The following CSMD3 variants were observed in gnomAD, a reference collection of about 807,000 sequenced individuals.
CSMD3 encodes the protein CUB and Sushi multiple domains 3.
In CSMD3, 177 loss-of-function variants were observed where a neutral mutation model predicts 435.2. That is an observed-to-expected ratio of 0.41 (90% CI 0.36 to 0.46). The LOEUF (loss-of-function observed/expected upper bound fraction) is 0.46, where lower values mean the gene tolerates loss of function less well. CSMD3 is among the 20% of genes least tolerant of loss of function. CSMD3 has a pLI of 0.34. For synonymous variants in CSMD3, 1,656 were observed against 1,520.5 expected, an observed-to-expected ratio of 1.09 and a Z score of -2.07; for missense variants, 4,265 against 4,504.6, an observed-to-expected ratio of 0.95 and a Z score of 1.52.
intron 39 of CSMD3, among the ~76,000 whole-genome samples, chr8:112,351,660 AAAGTAT>A (rs1267315826): frequency 6.6e-6 from 1 of 151,992 alleles, no homozygotes; most frequent in Non-Finnish European, 1.5e-5. Context: ...AAAACAAGTC[AAAGTAT>A]ATTAACTTTT....
intron 10 of CSMD3, among the ~76,000 whole-genome samples, chr8:112,911,552 C>T (rs1421310360): frequency 3.3e-5 from 5 of 151,426 alleles, no homozygotes; most frequent in African/African-American, 9.7e-5. Flanking sequence ...GACTCTCCTC[C>T]GGGTTCATCT....
intron 70 of CSMD3, among the ~76,000 whole-genome samples, chr8:112,227,237 G>C (rs949550825): frequency 7.9e-5 from 12 of 152,188 alleles, no homozygotes; most frequent in Non-Finnish European, 1.8e-4. Flanking sequence ...AGCCATATAA[G>C]AGAATGAAGT....
Position 113,143,488 on chromosome 8 carries a change from C to T in CSMD3, c.709+30234G>A, listed in dbSNP as rs140129056. Among the ~76,000 whole-genome samples the T allele has an allele frequency of 4.6e-5, 7 of 151,370 alleles. No homozygotes were observed. The South Asian group carries it at 6.2e-4, about 13-fold the overall frequency. Reference sequence around the variant, plus strand: ...CTTCTGGGCATTTATACCAGGGACACGAAAATTTATGTTCACACAAAACCT... The same window carrying T: ...CTTCTGGGCATTTATACCAGGGACATGAAAATTTATGTTCACACAAAACCT... On this transcript the variant is annotated intron_variant, in intron 4 of 70. Coordinates refer to ENST00000297405, the MANE Select transcript of CSMD3 (RefSeq NM_198123.2).
At chr8:112,586,850 T>C (rs1032068989) in intron 23 of CSMD3, among the ~76,000 whole-genome samples, 2 of 99,122 alleles carry the variant, frequency 2.0e-5, no homozygotes, top group Non-Finnish European at 4.1e-5. Context: ...AATTTACCTT[T>C]TATTATAAAA....
chr8:113,237,807 T>C (rs995325606), intron 3 of CSMD3, among the ~76,000 whole-genome samples: 1 of 152,154 alleles, frequency 6.6e-6, no homozygotes, highest in African/African-American at 2.4e-5. Flanking sequence ...CCGGGAGCGA[T>C]AGCTCATGCC....
chr8:113,318,692 T>C (rs951463481), intron 1 of CSMD3, among the ~76,000 whole-genome samples: 4 of 152,110 alleles, frequency 2.6e-5, no homozygotes, highest in Middle Eastern at 6.8e-3. Context: ...ATACTTTTAT[T>C]TTTGTGCCTG....
chr8:112,748,328 C>G (rs1272834316), intron 13 of CSMD3, among the ~76,000 whole-genome samples: 2 of 152,100 alleles, frequency 1.3e-5, no homozygotes, highest in Non-Finnish European at 2.9e-5. Flanking sequence ...CATAATATAA[C>G]AAAACTTATT....
intron 13 of CSMD3, among the ~76,000 whole-genome samples, chr8:112,725,723 CGAAGGA>C (rs2076950285): frequency 6.6e-6 from 1 of 151,706 alleles, no homozygotes; most frequent in African/African-American, 2.4e-5. Context: ...AGAAAAAATC[CGAAGGA>C]TTTTTTTCCA....
intron 7 of CSMD3, among the ~76,000 whole-genome samples, chr8:112,970,823 G>A (rs2084626510): frequency 6.6e-6 from 1 of 151,488 alleles, no homozygotes; most frequent in African/African-American, 2.4e-5. Flanking sequence ...CTGGGTTCAC[G>A]CTATTCTCCT....
At chr8:113,011,834 A>G (rs1372765944) in intron 6 of CSMD3, among the ~76,000 whole-genome samples, 3 of 151,826 alleles carry the variant, frequency 2.0e-5, no homozygotes, top group African/African-American at 7.2e-5. Flanking sequence ...GATTATTTAG[A>G]TAGATCATTT....
At chr8:112,658,853 G>A (rs1414828565) in intron 17 of CSMD3, among the ~76,000 whole-genome samples, 1 of 152,112 alleles carries the variant, frequency 6.6e-6, no homozygotes, top group African/African-American at 2.4e-5. Context: ...TACTCGGGAG[G>A]CTGAGGCACG....
intron 1 of CSMD3, among the ~76,000 whole-genome samples, chr8:113,326,777 A>G (rs1240333187): frequency 6.6e-6 from 1 of 152,146 alleles, no homozygotes; most frequent in African/African-American, 2.4e-5. Context: ...AATTCTATAC[A>G]GTTCAGTTAA....
rs1188247091 is a variant in CSMD3, at chr8:112,503,909, A to G, written c.4964T>C (p.Ile1655Thr). 8.1e-6 allele frequency: 13 copies of G among 1,612,632 alleles called. No individual in the cohort carries two copies. The highest frequency in any genetic ancestry group is 2.2e-5 in the South Asian group (2 of 91,046). Residue 1655 changes from isoleucine to threonine, a missense_variant, in exon 30 of 71, where the codon ATT becomes ACT. Ile to Thr is a moderately conservative substitution (Grantham distance 89). Coordinates refer to ENST00000297405, the MANE Select transcript of CSMD3 (RefSeq NM_198123.2). ...YDGPDSNSPLIGSFQDSKLPE... is the reference protein window; with the variant it reads ...YDGPDSNSPLTGSFQDSKLPE... ...TAACTTGCTGTCTTGAAAACTTCCAATCAGTGGGCTATTACTGTCTGGTCC... is the reference window on the plus strand; with the variant it reads ...TAACTTGCTGTCTTGAAAACTTCCAGTCAGTGGGCTATTACTGTCTGGTCC...
intron 45 of CSMD3, among the ~76,000 whole-genome samples, chr8:112,323,370 A>C (rs905097015): frequency 1.1e-4 from 16 of 152,010 alleles, no homozygotes; most frequent in Non-Finnish European, 2.4e-4. Flanking sequence ...CTGCCATTTA[A>C]TTCCCGCTGT....
chr8:112,779,435 T>G (rs1291144134), intron 13 of CSMD3, among the ~76,000 whole-genome samples: 2 of 152,058 alleles, frequency 1.3e-5, no homozygotes. Flanking sequence ...AATTAAAATT[T>G]TAGCCTATGA....
At chr8:112,355,347 A>G (rs988889201) in intron 38 of CSMD3, among the ~76,000 whole-genome samples, 1 of 152,216 alleles carries the variant, frequency 6.6e-6, no homozygotes, top group Non-Finnish European at 1.5e-5. Flanking sequence ...AAAATTGACA[A>G]GTAAGACCTA....
chr8:112,553,800 T>C (rs1294179645), intron 25 of CSMD3, among the ~76,000 whole-genome samples: 2 of 152,088 alleles, frequency 1.3e-5, no homozygotes, highest in Non-Finnish European at 2.9e-5. Flanking sequence ...TAGAATCTAA[T>C]GGCTCAAATT....
intron 6 of CSMD3, among the ~76,000 whole-genome samples, chr8:113,008,920 A>AT (rs2086156217): frequency 6.6e-6 from 1 of 151,468 alleles, no homozygotes; most frequent in Non-Finnish European, 1.5e-5. Flanking sequence ...GAGATGTGCT[A>AT]TAAGTATAAT....
intron 13 of CSMD3, among the ~76,000 whole-genome samples, chr8:112,697,867 G>A (rs951572000): frequency 6.6e-6 from 1 of 152,018 alleles, no homozygotes. Context: ...GCACAGAAGA[G>A]GTAACCCTAA....
Sources: allele counts gnomAD v4.1 joint callset (sites outside exome capture counted in the v4.1 genomes callset), GRCh38; gene constraint gnomAD v4.1.1; transcripts MANE v1.5; gene names NCBI Gene and HGNC (gene_info 2026-07-23, HGNC 2026-07-21).